CCDC60: variants seen among roughly 807,000 people sequenced by gnomAD.
The protein encoded by CCDC60 is coiled-coil domain containing 60.
Under a neutral mutation model 63.5 loss-of-function variants are expected in CCDC60, and 54 were observed. The observed-to-expected ratio is 0.85, with a 90% CI of 0.68 to 1.07. The LOEUF is 1.07. Among genes scored for constraint, CCDC60 ranks in the 50% least tolerant of loss-of-function variants. CCDC60 has a pLI of 0.00. For synonymous variants in CCDC60, 206 were observed against 238.8 expected (o/e 0.86, Z 1.27); for missense variants, 651 against 684.3 (o/e 0.95, Z 0.54).
intron 1 of CCDC60, among the ~76,000 whole-genome samples, chr12:119,400,316 C>A (rs188482935): frequency 1.3e-5 from 2 of 152,132 alleles, no homozygotes; most frequent in Non-Finnish European, 2.9e-5. Flanking sequence ...CCCAAAGTGC[C>A]GGGATTACAG....
At chr12:119,372,565 A>C (rs1245487436) in intron 1 of CCDC60, among the ~76,000 whole-genome samples, 1 of 152,188 alleles carries the variant, frequency 6.6e-6, no homozygotes, top group Non-Finnish European at 1.5e-5. Context: ...AAAATCCCCC[A>C]CATTATGGAA....
intron 1 of CCDC60, among the ~76,000 whole-genome samples, chr12:119,406,156 A>G (rs111527757): frequency 0.081 from 12,334 of 151,406 alleles, 670 homozygotes; most frequent in Non-Finnish European, 0.12. Flanking sequence ...GGGCAACAAG[A>G]GGGAAACTCT....
At chr12:119,340,188 G>T (rs1038265362) in intron 1 of CCDC60, among the ~76,000 whole-genome samples, 4 of 152,186 alleles carry the variant, frequency 2.6e-5, no homozygotes, top group Non-Finnish European at 4.4e-5. Context: ...AAGAAAAGGT[G>T]CATCTTAGGA....
intron 1 of CCDC60, among the ~76,000 whole-genome samples, chr12:119,389,170 T>A (rs1956111886): frequency 6.6e-6 from 1 of 152,062 alleles, no homozygotes; most frequent in Non-Finnish European, 1.5e-5. Context: ...CCTTTACCAA[T>A]GGCAGACAAA....
intron 1 of CCDC60, among the ~76,000 whole-genome samples, chr12:119,346,780 C>CTTTCT (rs1415701660): frequency 1.2e-3 from 82 of 65,680 alleles, no homozygotes; most frequent in African/African-American, 5.1e-3. Flanking sequence ...CTTTCTCTTT[C>CTTTCT]TTTCTTTCTT....
intron 1 of CCDC60, among the ~76,000 whole-genome samples, chr12:119,418,568 C>G (rs1052235716): frequency 1.3e-5 from 2 of 151,692 alleles, no homozygotes; most frequent in Admixed American, 6.6e-5. Context: ...GTGCACGCCA[C>G]CACGCCCAGC....
chr12:119,375,672 T>C (rs1180838424), intron 1 of CCDC60, among the ~76,000 whole-genome samples: 1 of 152,216 alleles, frequency 6.6e-6, no homozygotes, highest in Admixed American at 6.5e-5. Context: ...GAGTCCTTCG[T>C]CCACCTAAAC....
At chr12:119,363,429 G>A (rs1403155938) in intron 1 of CCDC60, among the ~76,000 whole-genome samples, 2 of 151,942 alleles carry the variant, frequency 1.3e-5, no homozygotes, top group Non-Finnish European at 2.9e-5. Context: ...TCCTCTGTGT[G>A]TGTGTGTGTG....
chr12:119,415,810 C>T (rs1410553486), intron 1 of CCDC60, among the ~76,000 whole-genome samples: 1 of 152,184 alleles, frequency 6.6e-6, no homozygotes, highest in East Asian at 1.9e-4. Flanking sequence ...TACTAAACTT[C>T]GCTGTTATAA....
At chr12:119,442,109 G>C (rs1477003044) in intron 2 of CCDC60, among the ~76,000 whole-genome samples, 1 of 152,100 alleles carries the variant, frequency 6.6e-6, no homozygotes, top group African/African-American at 2.4e-5. Flanking sequence ...TATTTTGGCA[G>C]CTCAACTTGC....
At chr12:119,485,695 T>C (rs1350835715) in intron 4 of CCDC60, among the ~76,000 whole-genome samples, 1 of 152,182 alleles carries the variant, frequency 6.6e-6, no homozygotes, top group Non-Finnish European at 1.5e-5. Context: ...GCTTCATTTA[T>C]AAGTGAATCC....
intron 1 of CCDC60, among the ~76,000 whole-genome samples, chr12:119,412,457 A>G (rs1956620260): frequency 6.6e-6 from 1 of 152,206 alleles, no homozygotes; most frequent in African/African-American, 2.4e-5. Context: ...GACATTGGCA[A>G]TATGAAAGGA....
At chr12:119,496,812 C>G (rs1951724644) in intron 5 of CCDC60, among the ~76,000 whole-genome samples, 2 of 152,170 alleles carry the variant, frequency 1.3e-5, no homozygotes, top group African/African-American at 4.8e-5. Context: ...TTGTTAAATT[C>G]ACTCTTAACC....
At chr12:119,520,785 A>C (rs1593210056) in intron 9 of CCDC60, among the ~76,000 whole-genome samples, 1 of 151,496 alleles carries the variant, frequency 6.6e-6, no homozygotes, top group African/African-American at 2.4e-5. Flanking sequence ...CAAGTGATCC[A>C]CCTCCCTTGG....
At chr12:119,476,007 T>TTCA (rs977086270) in intron 3 of CCDC60, among the ~76,000 whole-genome samples, 22 of 152,210 alleles carry the variant, frequency 1.4e-4, no homozygotes, top group Non-Finnish European at 2.9e-4. Context: ...AAATACAAGT[T>TTCA]TCATTTATAA....
chr12:119,540,187 A>G (rs1044831495), intron 13 of CCDC60, among the ~76,000 whole-genome samples: 9 of 152,238 alleles, frequency 5.9e-5, no homozygotes, highest in Admixed American at 1.3e-4. Context: ...GGGGGTCTAC[A>G]TGAAACTCTT....
intron 1 of CCDC60, among the ~76,000 whole-genome samples, chr12:119,393,876 G>A (rs75160560): frequency 0.064 from 9,671 of 152,258 alleles, 389 homozygotes; most frequent in Middle Eastern, 0.13. Flanking sequence ...GGGCTACAAT[G>A]AAGCCATCAG....
rs1289948262 is a variant in CCDC60, at chr12:119,410,331, T to G, written c.91-18352T>G. On this transcript the variant is annotated intron_variant, in intron 1 of 13. Coordinates refer to ENST00000327554, the MANE Select transcript of CCDC60 (RefSeq NM_178499.5). This position sits in a 1 kb window ranked among gnomAD's most constrained non-coding sequence, Gnocchi z 4.0. ...GGTGGAAGTAATACATTTTAAAAAG[T>G]GATGTACCTTTTGATACATTTTTTT... is the stretch of plus-strand genomic sequence containing the variant. Among the ~76,000 whole-genome samples, 1 of 152,050 alleles carries G rather than the reference T, an allele frequency of 6.6e-6. No homozygotes were observed. The highest frequency in any genetic ancestry group is 1.5e-5 in the Non-Finnish European group (1 of 68,004).
intron 1 of CCDC60, among the ~76,000 whole-genome samples, chr12:119,401,187 G>A (rs371812965): frequency 1.3e-5 from 2 of 152,202 alleles, no homozygotes; most frequent in African/African-American, 2.4e-5. Context: ...ACCCAGGTCC[G>A]TGTGATGTCA....
Sources: gnomAD v4.1 joint callset for allele counts (sites outside exome capture counted in the v4.1 genomes callset) on GRCh38, gnomAD v4.1.1 for gene constraint, Gnocchi (gnomAD v3.1) non-coding constraint, MANE v1.5 for transcripts, NCBI Gene and HGNC (gene_info 2026-07-23, HGNC 2026-07-21) for gene names.